Variants in AMMECR1 observed in about 807,000 individuals in gnomAD.
AMMECR1 encodes AMMECR nuclear protein 1.
A neutral mutation model predicts 22.5 loss-of-function variants in AMMECR1; 3 were observed. The observed-to-expected ratio is 0.13, with a 90% CI of 0.06 to 0.35. The LOEUF is 0.35. Among genes scored for constraint, AMMECR1 ranks in the 10% least tolerant of loss-of-function variants. The pLI is 1.00. For missense variants in AMMECR1, 235 were observed against 278.7 expected (o/e 0.84, Z 1.12); for synonymous variants, 130 against 116.7 (o/e 1.11, Z -0.74).
chrX:110,394,176 C>T (rs1297334309), intron 2 of AMMECR1, among the ~76,000 whole-genome samples: 2 of 112,788 alleles, frequency 1.8e-5, no homozygotes, highest in African/African-American at 6.4e-5. Flanking sequence ...ATGTGTAGCT[C>T]ACACTTATTG....
intron 1 of AMMECR1, among the ~76,000 whole-genome samples, chrX:110,281,799 C>T (rs189861198): frequency 5.5e-4 from 61 of 111,798 alleles, no homozygotes; most frequent in Non-Finnish European, 1.0e-3. Flanking sequence ...ATGGCTTGGG[C>T]GAAAATTTAA....
At chrX:110,253,153 TAGG>T (rs1464297997) in intron 2 of AMMECR1, among the ~76,000 whole-genome samples, 1 of 110,301 alleles carries the variant, frequency 9.1e-6, no homozygotes, top group African/African-American at 3.3e-5. Flanking sequence ...AAGAGGGGAG[TAGG>T]AGATGAGGTG....
chrX:110,404,226 C>T (rs1394266508), intron 2 of AMMECR1, among the ~76,000 whole-genome samples: 1 of 111,687 alleles, frequency 9.0e-6, no homozygotes, highest in African/African-American at 3.3e-5. Flanking sequence ...ATCCTAATAC[C>T]TTTAACCTTT....
At position 110,326,449 on chromosome X, in the gene AMMECR1, T is replaced by C. The variant is rs900131254; in HGVS notation, c.-147-8600A>G. On this transcript the variant is annotated intron_variant, in intron 2 of 7. Coordinates refer to the AMMECR1 transcript ENST00000372057. Reference sequence around the variant, plus strand: ...ATTTCCTTCTGTTTTTTATTTCTAATTTCATTCCACGGTGGTAGATAATAT... The same window carrying C: ...ATTTCCTTCTGTTTTTTATTTCTAACTTCATTCCACGGTGGTAGATAATAT... Among the ~76,000 whole-genome samples the C allele has an allele frequency of 6.2e-5, 7 of 112,481 alleles. No individual in the cohort carries two copies. The South Asian group carries it at 1.1e-3, about 18-fold the overall frequency.
At chrX:110,208,606 T>C (rs1160297582) in intron 3 of AMMECR1, among the ~76,000 whole-genome samples, 1 of 112,299 alleles carries the variant, frequency 8.9e-6, no homozygotes, top group African/African-American at 3.2e-5. Flanking sequence ...AACAACGATC[T>C]GGTAACATTT....
intron 2 of AMMECR1, among the ~76,000 whole-genome samples, chrX:110,219,837 A>C (rs2067491980): frequency 8.9e-6 from 1 of 112,371 alleles, no homozygotes; most frequent in Non-Finnish European, 1.9e-5. Context: ...AGCTCTAAGT[A>C]ATTTTTCATT....
chrX:110,212,885 GA>G (rs936244003), intron 3 of AMMECR1, among the ~76,000 whole-genome samples: 4 of 110,275 alleles, frequency 3.6e-5, no homozygotes, highest in African/African-American at 9.9e-5. Flanking sequence ...ATAAAGAATG[GA>G]AAAAAAATTT....
At chrX:110,436,609 T>C (rs1278990435) in intron 1 of AMMECR1, among the ~76,000 whole-genome samples, 1 of 111,931 alleles carries the variant, frequency 8.9e-6, no homozygotes, top group East Asian at 2.8e-4. Flanking sequence ...GCAGAGAACA[T>C]GCTGAGGGCA....
At chrX:110,264,744 G>A (rs2067758916) in intron 1 of AMMECR1, 145 bp from the exon 2 acceptor site, 1 of 393,044 alleles carries the variant, frequency 2.5e-6, no homozygotes, top group Admixed American at 4.8e-5. Flanking sequence ...CAGCCCAATA[G>A]GACTACATTT....
chrX:110,285,825 G>A (rs936739625), intron 1 of AMMECR1, among the ~76,000 whole-genome samples: 3 of 110,643 alleles, frequency 2.7e-5, no homozygotes, highest in African/African-American at 9.9e-5. Flanking sequence ...GAGCACCCTG[G>A]GAAAAAAGAA....
At chrX:110,279,868 A>G (rs1391379275) in intron 1 of AMMECR1, among the ~76,000 whole-genome samples, 1 of 112,130 alleles carries the variant, frequency 8.9e-6, no homozygotes. Context: ...TTCAAAGCAT[A>G]TAAGAAAAAC....
intron 2 of AMMECR1, among the ~76,000 whole-genome samples, chrX:110,219,855 T>C (rs2067492028): frequency 8.9e-6 from 1 of 112,345 alleles, no homozygotes; most frequent in African/African-American, 3.2e-5. Context: ...ATTAAATTCA[T>C]GAACACAGAA....
intron 2 of AMMECR1, among the ~76,000 whole-genome samples, chrX:110,358,030 A>G (rs1225804982): frequency 4.5e-5 from 5 of 111,982 alleles, no homozygotes; most frequent in Admixed American, 2.8e-4. Flanking sequence ...ATTTTGAAAA[A>G]AAATTCTTTG....
At chrX:110,320,014 A>G (rs1364357605), upstream of AMMECR1, among the ~76,000 whole-genome samples, 4 of 112,480 alleles carry the variant, frequency 3.6e-5, no homozygotes, top group Admixed American at 3.8e-4. Context: ...TATGAGATAG[A>G]TAGATGAAAA....
At chrX:110,428,923 G>A (rs899720644) in intron 1 of AMMECR1, among the ~76,000 whole-genome samples, 1 of 112,191 alleles carries the variant, frequency 8.9e-6, no homozygotes, top group Non-Finnish European at 1.9e-5. Context: ...CCGATGCGAC[G>A]GCACAGGTCT....
At chrX:110,346,397 G>T (rs2068189170) in intron 2 of AMMECR1, among the ~76,000 whole-genome samples, 1 of 111,927 alleles carries the variant, frequency 8.9e-6, no homozygotes, top group Non-Finnish European at 1.9e-5. Context: ...AGTATTCAAA[G>T]AAATAATAAA....
intron 2 of AMMECR1, among the ~76,000 whole-genome samples, chrX:110,234,737 C>T (rs1163932129): frequency 9.0e-6 from 1 of 111,516 alleles, no homozygotes; most frequent in Non-Finnish European, 1.9e-5. Context: ...GGAAAGGATT[C>T]CCTATTTAAT....
chrX:110,212,808 T>C (rs1205969682), intron 3 of AMMECR1, among the ~76,000 whole-genome samples: 9 of 111,923 alleles, frequency 8.0e-5, no homozygotes, highest in Admixed American at 5.7e-4. Flanking sequence ...ATCTTTTAAA[T>C]AGTGATTGCA....
At chrX:110,387,857 CTTTT>C (rs57937918) in intron 2 of AMMECR1, among the ~76,000 whole-genome samples, 1 of 82,808 alleles carries the variant, frequency 1.2e-5, no homozygotes, top group African/African-American at 5.3e-5. Flanking sequence ...CTCCCTCTCT[CTTTT>C]TTTTTTTTTT....
Sources: allele counts gnomAD v4.1 joint callset (sites outside exome capture counted in the v4.1 genomes callset), GRCh38; gene constraint gnomAD v4.1.1; transcripts MANE v1.5; gene names NCBI Gene and HGNC (gene_info 2026-07-23, HGNC 2026-07-21).